The following CUL4B variants were observed in gnomAD, a reference collection of about 807,000 sequenced individuals.
The protein encoded by CUL4B is cullin 4B, also known as cullin-4B.
In CUL4B, 1 loss-of-function variant was observed where a neutral mutation model predicts 69.2. The observed-to-expected ratio is 0.01, with a 90% CI of 0.01 to 0.07. CUL4B has a LOEUF of 0.07. Among genes scored for constraint, CUL4B ranks in the 10% least tolerant of loss-of-function variants. The probability of loss-of-function intolerance (pLI) is 1.00; values close to 1 mark genes in which losing one functional copy is unlikely to be tolerated. For synonymous variants in CUL4B, 237 were observed against 223.2 expected, an observed-to-expected ratio of 1.06 and a Z score of -0.55; for missense variants, 328 against 638.8, an observed-to-expected ratio of 0.51 and a Z score of 5.24.
At chrX:120,562,689 G>A (rs1174106431), upstream of CUL4B, among the ~76,000 whole-genome samples, 1 of 111,693 alleles carries the variant, frequency 9.0e-6, no homozygotes, top group Non-Finnish European at 1.9e-5. Context: ...GGAACAGGAT[G>A]AAAGGCATTC....
intron 2 of CUL4B, among the ~76,000 whole-genome samples, chrX:120,551,562 T>C (rs1212047029): frequency 9.0e-6 from 1 of 111,501 alleles, no homozygotes; most frequent in African/African-American, 3.3e-5. Flanking sequence ...TTAGGCAAGA[T>C]TTGGAGTGGT....
upstream of CUL4B, among the ~76,000 whole-genome samples, chrX:120,564,679 T>C (rs1288376658): frequency 5.3e-5 from 6 of 112,684 alleles, no homozygotes; most frequent in Admixed American, 1.9e-4. Context: ...TTGAGGCTAG[T>C]TGAAGAACAT....
intron 2 of CUL4B, among the ~76,000 whole-genome samples, chrX:120,551,904 A>C (rs956659057): frequency 9.0e-6 from 1 of 111,422 alleles, no homozygotes; most frequent in Non-Finnish European, 1.9e-5. Context: ...ACAAGGAATG[A>C]CTGTTTACTA....
At chrX:120,567,892 C>T (rs1364053484), downstream of CUL4B, among the ~76,000 whole-genome samples, 1 of 109,098 alleles carries the variant, frequency 9.2e-6, no homozygotes. Context: ...AAAAACAGCT[C>T]TCCAGGAAAT....
intron 6 of CUL4B, 138 bp downstream of exon 6, chrX:120,544,343 T>C: frequency 3.6e-6 from 3 of 828,469 alleles, no homozygotes; most frequent in East Asian, 3.2e-5. Flanking sequence ...AGCATGATGA[T>C]TGGGTTTTTA....
At chrX:120,551,326 T>A (rs917065046) in intron 2 of CUL4B, among the ~76,000 whole-genome samples, 6 of 110,122 alleles carry the variant, frequency 5.4e-5, no homozygotes, top group African/African-American at 2.0e-4. Context: ...GCCTCTCAAG[T>A]AGCTGGGATT....
At position 120,524,446 on chromosome X, in the gene CUL4B, C is replaced by A. The variant is rs1005775838; in HGVS notation, c.*2315G>T. On this transcript the variant is annotated 3_prime_UTR_variant, in exon 20 of 20. Coordinates refer to ENST00000371322, the MANE Select transcript of CUL4B (RefSeq NM_001079872.2). ...TCACCCTGTTAACCATGCCCTCCCC[C>A]ATACTCTTATAGCATTACCACAAAA... Among the ~76,000 whole-genome samples, 11 of 111,463 alleles carry A rather than the reference C, an allele frequency of 9.9e-5. No individual in the cohort carries two copies. The highest frequency in any genetic ancestry group is 1.7e-4 in the Non-Finnish European group (9 of 53,051).
At chrX:120,536,076 G>C (rs1923654400) in intron 15 of CUL4B, 133 bp from the exon 16 acceptor site, 1 of 489,618 alleles carries the variant, frequency 2.0e-6, no homozygotes, top group Non-Finnish European at 3.6e-6. Flanking sequence ...CAATCACTTT[G>C]ATGAAAAACA....
intron 17 of CUL4B, among the ~76,000 whole-genome samples, chrX:120,533,114 T>C (rs1165431482): frequency 3.6e-5 from 4 of 112,446 alleles, no homozygotes; most frequent in Admixed American, 2.8e-4. Context: ...ACCTTCTCAG[T>C]TGGGAAACCC....
At chrX:120,543,493 TAAACACAC>T (rs1365547942) in intron 8 of CUL4B, among the ~76,000 whole-genome samples, 13 of 53,626 alleles carry the variant, frequency 2.4e-4, no homozygotes, top group African/African-American at 1.1e-3. Context: ...AATTACCTTC[TAAACACAC>T]ACACACACAC....
At chrX:120,543,835 T>A (rs1924158531) in intron 7 of CUL4B, 26 bp from the exon 8 acceptor site, 24 of 1,049,638 alleles carry the variant, frequency 2.3e-5, no homozygotes, top group Non-Finnish European at 3.1e-5. Context: ...TTTACATTAT[T>A]GTTTTCCTCC....
At chrX:120,534,628 AAC>A (rs1297832635) in intron 16 of CUL4B, 42 bp from the exon 17 acceptor site, 1 of 873,619 alleles carries the variant, frequency 1.1e-6, no homozygotes, top group South Asian at 2.0e-5. Flanking sequence ...CTTTTTTAAA[AAC>A]ACATGAAAAA....
chrX:120,533,095 A>G (rs1042213195), intron 17 of CUL4B, among the ~76,000 whole-genome samples: 1 of 112,376 alleles, frequency 8.9e-6, no homozygotes, highest in Non-Finnish European at 1.9e-5. Context: ...GTCAGTGGTG[A>G]TACCACTAAC....
intron 2 of CUL4B, among the ~76,000 whole-genome samples, chrX:120,572,979 CA>C (rs1167345408): frequency 2.7e-5 from 3 of 110,232 alleles, no homozygotes; most frequent in Non-Finnish European, 5.7e-5. Context: ...TTTAGTTATG[CA>C]AATGATATAT....
intron 19 of CUL4B, 126 bp downstream of exon 19, chrX:120,529,976 G>T: frequency 1.4e-6 from 1 of 720,868 alleles, no homozygotes; most frequent in Non-Finnish European, 2.0e-6. Flanking sequence ...CATCAACATG[G>T]GAAATTAAAA....
At chrX:120,526,965 CCTT>C in intron 19 of CUL4B, 109 bp from the exon 20 acceptor site, 1 of 381,781 alleles carries the variant, frequency 2.6e-6, no homozygotes, top group Non-Finnish European at 4.6e-6. Context: ...AATTTAATCT[CCTT>C]TTTTAAAATT....
At chrX:120,566,345 G>GTATATATATATATATATATATA (rs537274243), upstream of CUL4B, among the ~76,000 whole-genome samples, 5 of 40,962 alleles carry the variant, frequency 1.2e-4, no homozygotes, top group Non-Finnish European at 1.7e-4. Context: ...GTGTGTATAG[G>GTATATATATATATATATATATA]TATATATATA....
chrX:120,564,476 G>A (rs185733003), upstream of CUL4B, among the ~76,000 whole-genome samples: 1 of 111,446 alleles, frequency 9.0e-6, no homozygotes, highest in East Asian at 2.8e-4. Flanking sequence ...CACGTTGGCA[G>A]GTGCCTGTAA....
At chrX:120,541,515 G>T in intron 10 of CUL4B, 87 bp downstream of exon 10, 2 of 669,028 alleles carry the variant, frequency 3.0e-6, no homozygotes, top group Non-Finnish European at 4.8e-6. Flanking sequence ...AAAAAAAATT[G>T]GATCAAACAA....
Sources: gnomAD v4.1 joint callset for allele counts (sites outside exome capture counted in the v4.1 genomes callset) on GRCh38, gnomAD v4.1.1 for gene constraint, MANE v1.5 for transcripts, NCBI Gene and HGNC (gene_info 2026-07-23, HGNC 2026-07-21) for gene names.